The following KIRREL3 variants were observed in gnomAD, a reference collection of about 807,000 sequenced individuals.
KIRREL3 encodes the protein kin of IRRE-like protein 3.
Under a neutral mutation model 89.7 loss-of-function variants are expected in KIRREL3, and 36 were observed. That is an observed-to-expected ratio of 0.40 (90% CI 0.31 to 0.53). KIRREL3 has a LOEUF of 0.53. Among genes scored for constraint, KIRREL3 ranks in the 20% least tolerant of loss-of-function variants. The pLI, the probability that KIRREL3 is intolerant of heterozygous loss-of-function variation, is 0.49. For synonymous variants in KIRREL3, 445 were observed against 441.4 expected (o/e 1.01, Z -0.10); for missense variants, 864 against 1,056.6 (o/e 0.82, Z 2.53).
In KIRREL3 at chr11:126,607,881, T is replaced by C. The variant is rs1365045714; in HGVS notation, c.56-44969A>G. 6.6e-6 allele frequency among the ~76,000 whole-genome samples: 1 copy of C among 152,114 alleles called. No homozygotes were observed. Among genetic ancestry groups the C allele is most frequent in the East Asian group, 1.9e-4 (1 of 5,184 alleles). On this transcript the variant is annotated intron_variant, in intron 1 of 16. Transcript: ENST00000525144. This position sits in a 1 kb window ranked among gnomAD's most constrained non-coding sequence, Gnocchi z 6.6. ...CACCCACTGCAAGGACGAACATCAC[T>C]ACTGGGTCAGCTCTGCAGCTGCAAG... is the stretch of plus-strand genomic sequence containing the variant.
At chr11:127,001,078 C>A (rs1395851225), upstream of KIRREL3, 1 of 159,966 alleles carries the variant, frequency 6.3e-6, no homozygotes, top group Non-Finnish European at 1.4e-5. Context: ...CACACGATGT[C>A]CTGTTTAACA....
chr11:126,859,398 C>A lies in KIRREL3; in HGVS notation c.55+141057G>T, dbSNP rs562422117. On this transcript the variant is annotated intron_variant, in intron 1 of 16. Coordinates refer to ENST00000525144, the MANE Select transcript of KIRREL3 (RefSeq NM_032531.4). ...TAGCAGAGCTTGGATTGGACCAAGG[C>A]AATCTGGTTCCAGGGGCCACATTTT... Among the ~76,000 whole-genome samples the A allele has an allele frequency of 9.9e-5, 15 of 152,238 alleles. No individual in the cohort carries two copies. The South Asian group carries it at 1.0e-3, about 11-fold the overall frequency.
intron 1 of KIRREL3, among the ~76,000 whole-genome samples, chr11:126,618,632 G>A (rs1373258618): frequency 2.0e-5 from 3 of 152,108 alleles, no homozygotes; most frequent in Non-Finnish European, 4.4e-5. Context: ...ACAAGGTTGC[G>A]CCATGTTGGC....
Position 126,698,185 on chromosome 11 carries a change from G to A in KIRREL3, c.56-135273C>T, listed in dbSNP as rs138095637. Among the ~76,000 whole-genome samples, 67 of 152,248 alleles carry A rather than the reference G, an allele frequency of 4.4e-4. 2 individuals carry two copies. The South Asian group carries it at 4.6e-3, about 10-fold the overall frequency. On this transcript the variant is annotated intron_variant, in intron 1 of 16. Coordinates refer to ENST00000525144, the MANE Select transcript of KIRREL3 (RefSeq NM_032531.4). ...CAAACGCTCCCTCTCTCCCTCCTGC[G>A]TATAATTACACCATTCCATCTGTCT...
chr11:126,881,602 C>T (rs891707251), intron 1 of KIRREL3, among the ~76,000 whole-genome samples: 1 of 152,144 alleles, frequency 6.6e-6, no homozygotes, highest in Non-Finnish European at 1.5e-5. Context: ...AGCTGGAGTG[C>T]AGTGGTGCAA....
In KIRREL3 at chr11:126,908,826, G is replaced by C. The variant is rs183287223; in HGVS notation, c.55+91629C>G. On this transcript the variant is annotated intron_variant, in intron 1 of 16. Coordinates refer to ENST00000525144, the MANE Select transcript of KIRREL3 (RefSeq NM_032531.4). This position sits in a 1 kb window ranked among gnomAD's most constrained non-coding sequence, Gnocchi z 4.2. Reference sequence around the variant, plus strand: ...GCAGTCATCCCTCGTTATTCAAGGAGGATTGGTTCCTGGATCCTCTTGGGT... The same window carrying C: ...GCAGTCATCCCTCGTTATTCAAGGACGATTGGTTCCTGGATCCTCTTGGGT... 6.6e-6 allele frequency among the ~76,000 whole-genome samples: 1 copy of C among 152,120 alleles called. No homozygotes were observed. The highest frequency in any genetic ancestry group is 2.4e-5 in the African/African-American group (1 of 41,418).
chr11:126,836,411 C>T (rs975793298), intron 1 of KIRREL3, among the ~76,000 whole-genome samples: 7 of 152,098 alleles, frequency 4.6e-5, no homozygotes, highest in African/African-American at 1.7e-4. Context: ...GTGCCCTTAC[C>T]AGGATTCTAA....
intron 1 of KIRREL3, among the ~76,000 whole-genome samples, chr11:126,789,363 T>C (rs1350611212): frequency 6.6e-6 from 1 of 152,124 alleles, no homozygotes; most frequent in Non-Finnish European, 1.5e-5. Context: ...CCCTGGACCA[T>C]TCCCACAAAG....
intron 1 of KIRREL3, among the ~76,000 whole-genome samples, chr11:126,785,872 CAAAAAAAAAAAAA>C (rs34526435): frequency 1.3e-4 from 5 of 37,788 alleles, no homozygotes; most frequent in Non-Finnish European, 1.8e-4. Flanking sequence ...GACTCCGTCT[CAAAAAAAAAAAAA>C]AAAAAAAAAA....
intron 13 of KIRREL3, among the ~76,000 whole-genome samples, chr11:126,434,281 G>T (rs1193645341): frequency 6.6e-6 from 1 of 152,260 alleles, no homozygotes; most frequent in Non-Finnish European, 1.5e-5. Flanking sequence ...ACCGAGGGGG[G>T]AAGGTGTTGG....
At chr11:126,436,499 C>A (rs1001625838) in intron 12 of KIRREL3, among the ~76,000 whole-genome samples, 1 of 152,260 alleles carries the variant, frequency 6.6e-6, no homozygotes, top group Non-Finnish European at 1.5e-5. Context: ...GGCTACTGGG[C>A]AGCTTGTCAC....
At position 126,766,404 on chromosome 11, in the gene KIRREL3, T is replaced by A. The variant is rs769431684; in HGVS notation, c.56-203492A>T. Among the ~76,000 whole-genome samples, 33 of 152,266 alleles carry A rather than the reference T, an allele frequency of 2.2e-4. No individual in the cohort carries two copies. The highest frequency in any genetic ancestry group is 6.8e-3 in the Middle Eastern group (2 of 294). On this transcript the variant is annotated intron_variant, in intron 1 of 16. Coordinates refer to ENST00000525144, the MANE Select transcript of KIRREL3 (RefSeq NM_032531.4). This position sits in a 1 kb window ranked among gnomAD's most constrained non-coding sequence, Gnocchi z 4.2. The stretch of plus-strand genomic sequence containing the variant: ...TGGGGAGAGAGGGGTAGAGTTAGAA[T>A]CTTCTGCTATTTTGCTTTTTCTCTC...
rs1016624051 is a variant in KIRREL3 at position 126,985,930 on chromosome 11, G to A, written c.55+14525C>T. ...AGCTGTTGTTTCTGGACACTATATA[G>A]CCTAGTGATCTCCTGAAGCCTAAAA... On this transcript the variant is annotated intron_variant, in intron 1 of 16. Coordinates refer to ENST00000525144, the MANE Select transcript of KIRREL3 (RefSeq NM_032531.4). The surrounding 1 kb of genome is among the most constrained non-coding windows in gnomAD (Gnocchi z 5.3). Among the ~76,000 whole-genome samples, 1 of 152,124 alleles carries A rather than the reference G, an allele frequency of 6.6e-6. No homozygotes were observed. Among genetic ancestry groups the A allele is most frequent in the Non-Finnish European group, 1.5e-5 (1 of 68,024 alleles).
At chr11:126,507,169 A>G (rs1315148993) in intron 4 of KIRREL3, among the ~76,000 whole-genome samples, 2 of 152,202 alleles carry the variant, frequency 1.3e-5, no homozygotes, top group East Asian at 3.8e-4. Context: ...GAAAAGCCAA[A>G]TCCAAGAAGC....
Position 126,521,259 on chromosome 11 carries a change from G to A in KIRREL3, c.433+56C>T, listed in dbSNP as rs1958576867. 2.1e-6 allele frequency: 3 copies of A among 1,461,174 alleles called. No homozygotes were observed. Among genetic ancestry groups the A allele is most frequent in the Non-Finnish European group, 2.7e-6 (3 of 1,097,836 alleles). 90.5% of individuals were successfully genotyped at this position (1,461,174 alleles called of 1,614,324 possible). On this transcript the variant is annotated intron_variant, in intron 4 of 16. Coordinates refer to ENST00000525144, the MANE Select transcript of KIRREL3 (RefSeq NM_032531.4). This position sits in a 1 kb window ranked among gnomAD's most constrained non-coding sequence, Gnocchi z 4.1. ...CTGACCAAAAAAATACCCTCTTGGAGCTGAGCCCTTGGTGCTTCACGCAGT... is the reference window on the plus strand; with the variant it reads ...CTGACCAAAAAAATACCCTCTTGGAACTGAGCCCTTGGTGCTTCACGCAGT...
rs1946597273 is a variant in KIRREL3 at position 126,684,596 on chromosome 11, C to A, written c.56-121684G>T. 6.6e-6 allele frequency among the ~76,000 whole-genome samples: 1 copy of A among 152,176 alleles called. No individual in the cohort carries two copies. The highest frequency in any genetic ancestry group is 2.4e-5 in the African/African-American group (1 of 41,444). The stretch of plus-strand genomic sequence containing the variant: ...TACCAGGCCAGTCAGAATCGACTCA[C>A]TGATGATCAAAAAAGAGAGGACACT... On this transcript the variant is annotated intron_variant, in intron 1 of 16. Coordinates refer to ENST00000525144, the MANE Select transcript of KIRREL3 (RefSeq NM_032531.4). This position sits in a 1 kb window ranked among gnomAD's most constrained non-coding sequence, Gnocchi z 4.2.
intron 1 of KIRREL3, among the ~76,000 whole-genome samples, chr11:126,760,289 A>G (rs1789684542): frequency 6.6e-6 from 1 of 152,186 alleles, no homozygotes; most frequent in Admixed American, 6.5e-5. Context: ...TAGATCATCA[A>G]ATATGTTTCA....
chr11:126,476,667 G>C lies in KIRREL3; in HGVS notation c.434-3201C>G, dbSNP rs1373536526. The stretch of plus-strand genomic sequence containing the variant: ...CACACCAGATGGGGGTGGGGGCTGG[G>C]GGGGGGTGGGGGTTGGTGAGGATGG... On this transcript the variant is annotated intron_variant, in intron 4 of 16. Transcript: ENST00000525144. The surrounding 1 kb of genome is among the most constrained non-coding windows in gnomAD (Gnocchi z 6.4). Among the ~76,000 whole-genome samples the C allele has an allele frequency of 9.3e-6, 1 of 107,684 alleles. No homozygotes were observed. Among genetic ancestry groups the C allele is most frequent in the Non-Finnish European group, 2.3e-5 (1 of 44,404 alleles). The allele number at this position is 107,684 out of a possible 152,430, so 70.6% of individuals were successfully genotyped here.
intron 1 of KIRREL3, among the ~76,000 whole-genome samples, chr11:126,690,263 A>G (rs1292401039): frequency 2.0e-5 from 3 of 152,212 alleles, no homozygotes; most frequent in Non-Finnish European, 4.4e-5. Context: ...ATTCTCCATC[A>G]GAAACCCACA....
Sources: allele counts gnomAD v4.1 joint callset (sites outside exome capture counted in the v4.1 genomes callset), GRCh38; gene constraint gnomAD v4.1.1; non-coding constraint Gnocchi (gnomAD v3.1); transcripts MANE v1.5; gene names NCBI Gene and HGNC (gene_info 2026-07-23, HGNC 2026-07-21).